PTPRN2: variants seen among roughly 807,000 people sequenced by gnomAD.
PTPRN2 encodes the protein protein tyrosine phosphatase receptor type N2.
A neutral mutation model predicts 118.8 loss-of-function variants in PTPRN2; 74 were observed. The ratio of observed to expected loss-of-function variants is 0.62; its 90% CI spans 0.52 to 0.76. The LOEUF (loss-of-function observed/expected upper bound fraction) is 0.76. Ranked by LOEUF, PTPRN2 falls within the 30% of genes least tolerant of loss-of-function variation. The pLI is 0.00. For missense variants in PTPRN2, 1,481 were observed against 1,394.4 expected, an observed-to-expected ratio of 1.06 and a Z score of -0.99; for synonymous variants, 641 against 608.0, an observed-to-expected ratio of 1.05 and a Z score of -0.80.
chr7:158,054,823 T>C (rs1192036398), intron 11 of PTPRN2, among the ~76,000 whole-genome samples: 6 of 152,234 alleles, frequency 3.9e-5, no homozygotes, highest in African/African-American at 1.4e-4. Context: ...TTAATTCCTG[T>C]ATCTTCCCCT....
intron 3 of PTPRN2, among the ~76,000 whole-genome samples, chr7:158,282,051 T>C (rs909475952): frequency 2.0e-5 from 3 of 152,172 alleles, no homozygotes; most frequent in African/African-American, 7.2e-5. Context: ...GAGAACACTG[T>C]GTTCCCAGAA....
intron 11 of PTPRN2, among the ~76,000 whole-genome samples, chr7:157,967,539 G>A (rs1382513005): frequency 3.9e-5 from 6 of 152,144 alleles, no homozygotes; most frequent in Admixed American, 3.9e-4. Context: ...GTAAAGCAAT[G>A]GAGGAGTGGG....
At chr7:158,453,728 G>A (rs1359173987) in intron 2 of PTPRN2, among the ~76,000 whole-genome samples, 2 of 151,086 alleles carry the variant, frequency 1.3e-5, no homozygotes, top group Non-Finnish European at 3.0e-5. Flanking sequence ...GAGGAAAATT[G>A]AAAGCCTCAT....
At chr7:158,340,698 C>T (rs1474805744) in intron 2 of PTPRN2, among the ~76,000 whole-genome samples, 4 of 86,386 alleles carry the variant, frequency 4.6e-5, no homozygotes, top group African/African-American at 1.3e-4. Context: ...AGAGGTGAAA[C>T]CTGCAGACGT....
chr7:158,385,590 C>T (rs1363516081), intron 2 of PTPRN2, among the ~76,000 whole-genome samples: 2 of 152,164 alleles, frequency 1.3e-5, no homozygotes, highest in Non-Finnish European at 2.9e-5. Context: ...GATAATAATG[C>T]CTTAAGTCAA....
rs376428948 is a variant in PTPRN2 at position 157,651,810 on chromosome 7, G to A, written c.2196+4547C>T. 1.4e-4 allele frequency among the ~76,000 whole-genome samples: 21 copies of A among 152,316 alleles called. No individual in the cohort carries two copies. In the East Asian group the frequency reaches 3.5e-3, roughly 25 times the overall value. ...TCACGTCCTTGCTTTTCAGAGTCCC[G>A]AGCCTTGCTCTGAGTGAGCATCTCC... is the stretch of plus-strand genomic sequence containing the variant. On this transcript the variant is annotated intron_variant, in intron 14 of 22. Transcript: ENST00000389418.
Position 157,953,243 on chromosome 7 carries a change from G to A in PTPRN2, c.1724-54506C>T, listed in dbSNP as rs888146459. Among the ~76,000 whole-genome samples, 1 of 152,236 alleles carries A rather than the reference G, an allele frequency of 6.6e-6. No individual in the cohort carries two copies. Among genetic ancestry groups the A allele is most frequent in the Non-Finnish European group, 1.5e-5 (1 of 68,040 alleles). On this transcript the variant is annotated intron_variant, in intron 11 of 22. Coordinates refer to ENST00000389418, the MANE Select transcript of PTPRN2 (RefSeq NM_002847.5). This position sits in a 1 kb window ranked among gnomAD's most constrained non-coding sequence, Gnocchi z 4.6. ...GGGCTCCGTGTTCAATATGTGATGA[G>A]CTTTCGGGAAGGACAGGAGAGCCGG...
chr7:158,353,102 C>T (rs1180111513), intron 2 of PTPRN2, among the ~76,000 whole-genome samples: 1 of 152,322 alleles, frequency 6.6e-6, no homozygotes, highest in East Asian at 1.9e-4. Context: ...CACTCAGGAC[C>T]CTTCATTTTA....
At chr7:158,252,192 G>C (rs1463545744) in intron 3 of PTPRN2, among the ~76,000 whole-genome samples, 1 of 152,164 alleles carries the variant, frequency 6.6e-6, no homozygotes, top group African/African-American at 2.4e-5. Context: ...GGGAACGCGA[G>C]AGCACTTGAG....
intron 3 of PTPRN2, among the ~76,000 whole-genome samples, chr7:158,216,238 C>A (rs754000251): frequency 1.3e-4 from 20 of 151,854 alleles, no homozygotes; most frequent in Non-Finnish European, 2.1e-4. Context: ...GACATACACT[C>A]AAAAACATAG....
At chr7:158,485,289 G>T (rs1820926677) in intron 2 of PTPRN2, among the ~76,000 whole-genome samples, 1 of 151,988 alleles carries the variant, frequency 6.6e-6, no homozygotes, top group Admixed American at 6.6e-5. Context: ...CCGCCCCTGG[G>T]CTCCAGCGCT....
At chr7:158,583,680 T>C (rs1326762469) in intron 1 of PTPRN2, among the ~76,000 whole-genome samples, 1 of 152,136 alleles carries the variant, frequency 6.6e-6, no homozygotes, top group Non-Finnish European at 1.5e-5. Context: ...AGTGAACCCA[T>C]TGTCTGGCAC....
intron 2 of PTPRN2, among the ~76,000 whole-genome samples, chr7:158,389,056 A>G (rs1261417025): frequency 6.6e-6 from 1 of 152,228 alleles, no homozygotes; most frequent in African/African-American, 2.4e-5. Context: ...GGCCCCTGGA[A>G]GGAGAAGGGC....
chr7:158,200,468 G>A (rs1826552235), intron 4 of PTPRN2, among the ~76,000 whole-genome samples: 1 of 152,158 alleles, frequency 6.6e-6, no homozygotes, highest in African/African-American at 2.4e-5. Flanking sequence ...TACTGTTTTT[G>A]TCTGAGAAAT....
rs189942831 is a variant in PTPRN2 at position 158,323,161 on chromosome 7, G to A, written c.164-6229C>T. 9.6e-3 allele frequency among the ~76,000 whole-genome samples: 1,468 copies of A among 152,284 alleles called. 49 individuals carry two copies. The South Asian group carries it at 0.11, about 11-fold the overall frequency. On this transcript the variant is annotated intron_variant, in intron 2 of 22. Transcript: ENST00000389418. The stretch of plus-strand genomic sequence containing the variant: ...TCTTGCTGCCCTGGCTGGGAGAGGC[G>A]AGACATGGAAGGCGTCCCCCGACAA...
rs763087221 is a variant in PTPRN2, at chr7:158,495,018, C to T, written c.113-5233G>A. Among the ~76,000 whole-genome samples, 64 of 152,274 alleles carry T rather than the reference C, an allele frequency of 4.2e-4. 1 individual carries two copies. Among genetic ancestry groups the T allele is most frequent in the Non-Finnish European group, 8.7e-4 (59 of 68,006 alleles). ...ACTGTCAGTCACTCTGTGTCTTTGT[C>T]CTGTCCCCCTCTACAGCCTTAAAAA... On this transcript the variant is annotated intron_variant, in intron 1 of 22. Transcript: ENST00000389418.
chr7:157,670,262 G>A (rs113653357), intron 13 of PTPRN2, among the ~76,000 whole-genome samples: 8 of 152,232 alleles, frequency 5.3e-5, no homozygotes, highest in Admixed American at 1.3e-4. Flanking sequence ...CGGGACCCGC[G>A]GTCAGCTGCA....
At chr7:158,106,258 C>A (rs1563442322) in intron 10 of PTPRN2, among the ~76,000 whole-genome samples, 1 of 152,200 alleles carries the variant, frequency 6.6e-6, no homozygotes, top group South Asian at 2.1e-4. Context: ...AGCTTCCCCC[C>A]AGCTCCATTT....
Position 157,671,418 on chromosome 7 carries a change from G to A in PTPRN2, c.2001+11307C>T, listed in dbSNP as rs1229302198. ...GGGAGGTAGGGATGAATAGGGCCCT[G>A]GTGTTCGGGATGGGACGGGCCACCC... is the stretch of plus-strand genomic sequence containing the variant. On this transcript the variant is annotated intron_variant, in intron 13 of 22. Coordinates refer to ENST00000389418, the MANE Select transcript of PTPRN2 (RefSeq NM_002847.5). This position sits in a 1 kb window ranked among gnomAD's most constrained non-coding sequence, Gnocchi z 4.1. 6.6e-6 allele frequency among the ~76,000 whole-genome samples: 1 copy of A among 152,184 alleles called. No homozygotes were observed. Among genetic ancestry groups the A allele is most frequent in the East Asian group, 1.9e-4 (1 of 5,180 alleles).
Sources: allele counts gnomAD v4.1 joint callset (sites outside exome capture counted in the v4.1 genomes callset), GRCh38; gene constraint gnomAD v4.1.1; non-coding constraint Gnocchi (gnomAD v3.1); transcripts MANE v1.5; gene names NCBI Gene and HGNC (gene_info 2026-07-23, HGNC 2026-07-21).